PEX14: variants seen among roughly 807,000 people sequenced by gnomAD.
PEX14 encodes peroxisomal biogenesis factor 14.
PEX14 carries 15 observed loss-of-function variants against 49.5 expected under a neutral mutation model. The observed-to-expected ratio is 0.30, with a 90% CI of 0.20 to 0.47. The LOEUF (loss-of-function observed/expected upper bound fraction) is 0.47, where lower values mean the gene tolerates loss of function less well. Among genes scored for constraint, PEX14 ranks in the 20% least tolerant of loss-of-function variants. The probability of loss-of-function intolerance (pLI) is 1.00; values close to 1 mark genes in which losing one functional copy is unlikely to be tolerated. For missense variants in PEX14, 398 were observed against 494.8 expected, an observed-to-expected ratio of 0.80 and a Z score of 1.86; for synonymous variants, 210 against 212.7, an observed-to-expected ratio of 0.99 and a Z score of 0.11.
In PEX14 at chr1:10,613,568, G is replaced by A. The variant is rs780168937; in HGVS notation, c.299-4764G>A. Among the ~76,000 whole-genome samples the A allele has an allele frequency of 3.9e-5, 6 of 152,172 alleles. No homozygotes were observed. Among genetic ancestry groups the A allele is most frequent in the African/African-American group, 9.7e-5 (4 of 41,436 alleles). On this transcript the variant is annotated intron_variant, in intron 4 of 8. Transcript: ENST00000356607. The surrounding 1 kb of genome is among the most constrained non-coding windows in gnomAD (Gnocchi z 5.0). ...ATGAGGATTGCCACCACAGATGCCCGTCTCTTCAGCCTTCACAGAGATGCC... is the reference window on the plus strand; with the variant it reads ...ATGAGGATTGCCACCACAGATGCCCATCTCTTCAGCCTTCACAGAGATGCC...
intron 3 of PEX14, among the ~76,000 whole-genome samples, chr1:10,586,627 CCTTTTTTTTTT>C (rs1640496448): frequency 7.8e-6 from 1 of 128,064 alleles, no homozygotes; most frequent in Admixed American, 8.3e-5. Flanking sequence ...GAGCCGTTTA[CCTTTTTTTTTT>C]TTTTTTTTTT....
chr1:10,578,987 CAGAGAAGGATG>C (rs1185956139), intron 3 of PEX14, among the ~76,000 whole-genome samples: 2 of 152,112 alleles, frequency 1.3e-5, no homozygotes, highest in African/African-American at 4.8e-5. Flanking sequence ...TCCCAAAAAG[CAGAGAAGGATG>C]AGGCAGAAAA....
At chr1:10,608,337 T>C (rs1040728541) in intron 4 of PEX14, among the ~76,000 whole-genome samples, 1 of 152,182 alleles carries the variant, frequency 6.6e-6, no homozygotes, top group African/African-American at 2.4e-5. Flanking sequence ...CAAAAGATTA[T>C]CTTATCCGCA....
intron 3 of PEX14, among the ~76,000 whole-genome samples, chr1:10,577,529 C>CATATATATATATATATATATATATAT (rs1312391529): frequency 7.0e-5 from 3 of 43,012 alleles, no homozygotes; most frequent in Non-Finnish European, 7.3e-5. Flanking sequence ...GGACACTATA[C>CATATATATATATATATATATATATAT]ATATATATAT....
In PEX14 at chr1:10,536,421, C is replaced by T. The variant is rs546927482; in HGVS notation, c.169+124C>T. 10 of 732,392 alleles carry T rather than the reference C, an allele frequency of 1.4e-5. 1 individual carries two copies. In the South Asian group the frequency reaches 1.5e-4, roughly 11 times the overall value. The allele number at this position is 732,392 out of a possible 1,614,324, so 45.4% of individuals were successfully genotyped here. A position where few individuals can be genotyped will look rare whatever the true frequency, so the allele number is the denominator to read the frequency against. ...TTCCTAGAGCTGCCCACTCATGGGG[C>T]AGTGGGGCTGAGGCGAACCCCCCAG... On this transcript the variant is annotated intron_variant, in intron 3 of 8. Transcript: ENST00000356607.
At chr1:10,527,460 TGAGCCGA>T (rs1638521752) in intron 2 of PEX14, among the ~76,000 whole-genome samples, 1 of 143,090 alleles carries the variant, frequency 7.0e-6, no homozygotes, top group Non-Finnish European at 1.5e-5. Flanking sequence ...GAGTTTGCAG[TGAGCCGA>T]GATCACGCCA....
intron 7 of PEX14, among the ~76,000 whole-genome samples, chr1:10,626,804 C>G (rs545598629): frequency 6.6e-6 from 1 of 152,320 alleles, no homozygotes; most frequent in African/African-American, 2.4e-5. Flanking sequence ...CCCGTCTATA[C>G]CAGCAAGATT....
chr1:10,526,954 T>C (rs1490143108), intron 2 of PEX14, among the ~76,000 whole-genome samples: 1 of 152,064 alleles, frequency 6.6e-6, no homozygotes, highest in Non-Finnish European at 1.5e-5. Flanking sequence ...GGCCCACACC[T>C]GTAAATCCCA....
At chr1:10,624,279 G>T in intron 6 of PEX14, 61 bp from the exon 7 acceptor site, 2 of 1,074,670 alleles carry the variant, frequency 1.9e-6, no homozygotes, top group South Asian at 2.5e-5. Flanking sequence ...TGTGCGGACC[G>T]AGCGAGGGGA....
chr1:10,583,366 T>C lies in PEX14; in HGVS notation c.170-15872T>C, dbSNP rs115296650. Among the ~76,000 whole-genome samples, 365 of 149,540 alleles carry C rather than the reference T, an allele frequency of 2.4e-3. 1 individual carries two copies. The highest frequency in any genetic ancestry group is 4.3e-3 in the Non-Finnish European group (290 of 67,584). ...TCCCTAGTAGCTGAGACTACAAATATACACCATTGCACCCAGCTTTTTTTT... is the reference window on the plus strand; with the variant it reads ...TCCCTAGTAGCTGAGACTACAAATACACACCATTGCACCCAGCTTTTTTTT... On this transcript the variant is annotated intron_variant, in intron 3 of 8. Transcript: ENST00000356607.
Position 10,623,086 on chromosome 1 carries a change from GTC to G in PEX14, c.458_459del (p.Ser153Ter). On this transcript the variant is annotated frameshift_variant, in exon 6 of 9. Transcript: ENST00000356607. LOFTEE classifies it high-confidence loss of function. This position sits in a 1 kb window ranked among gnomAD's most constrained non-coding sequence, Gnocchi z 4.4. Reference sequence around the variant, plus strand: ...AAGCAGCTGGAGAGGATGGAGGCCGGTCTCTCTGAGCTGAGTGGCAGCGTGGC... The same window carrying G: ...AAGCAGCTGGAGAGGATGGAGGCCGGTCTCTGAGCTGAGTGGCAGCGTGGC... 6.2e-7 allele frequency: 1 copy of G among 1,613,852 alleles called. No homozygotes were observed. Among genetic ancestry groups the G allele is most frequent in the Non-Finnish European group, 8.5e-7 (1 of 1,179,894 alleles).
At chr1:10,599,187 A>G (rs1298439784) in intron 3 of PEX14, 51 bp from the exon 4 acceptor site, 16 of 1,597,764 alleles carry the variant, frequency 1.0e-5, no homozygotes, top group Admixed American at 5.0e-5. Context: ...TGTTGCAGCT[A>G]TGGACACTGA....
At chr1:10,522,897 T>C (rs1242255210) in intron 2 of PEX14, among the ~76,000 whole-genome samples, 2 of 152,224 alleles carry the variant, frequency 1.3e-5, no homozygotes, top group Non-Finnish European at 1.5e-5. Flanking sequence ...AAGCTGAATA[T>C]CTGGAATATA....
chr1:10,527,506 A>T (rs1221561838), intron 2 of PEX14, among the ~76,000 whole-genome samples: 1 of 139,788 alleles, frequency 7.2e-6, no homozygotes, highest in Non-Finnish European at 1.6e-5. Context: ...ACAGAGCGAG[A>T]CTCTGTCTCA....
intron 3 of PEX14, among the ~76,000 whole-genome samples, chr1:10,564,932 C>G (rs1489063619): frequency 1.7e-5 from 2 of 118,268 alleles, no homozygotes; most frequent in Admixed American, 2.3e-4. Flanking sequence ...GAGACGGAGT[C>G]TTACTCTGTC....
intron 4 of PEX14, among the ~76,000 whole-genome samples, chr1:10,599,661 A>T (rs1286251070): frequency 6.6e-6 from 1 of 152,234 alleles, no homozygotes; most frequent in African/African-American, 2.4e-5. Flanking sequence ...TTCTGTTCCC[A>T]TCTCCTCATA....
At chr1:10,568,337 C>G (rs1323579467) in intron 3 of PEX14, among the ~76,000 whole-genome samples, 1 of 89,860 alleles carries the variant, frequency 1.1e-5, no homozygotes, top group Non-Finnish European at 2.4e-5. Context: ...CCCCCCCCCC[C>G]CACTCCCACT....
At chr1:10,546,022 G>T (rs892122692) in intron 3 of PEX14, among the ~76,000 whole-genome samples, 8 of 152,100 alleles carry the variant, frequency 5.3e-5, no homozygotes, top group Non-Finnish European at 1.0e-4. Flanking sequence ...TGTAGCCTGG[G>T]TGACAGAGCA....
At chr1:10,598,430 G>A (rs936065203) in intron 3 of PEX14, among the ~76,000 whole-genome samples, 30 of 152,280 alleles carry the variant, frequency 2.0e-4, no homozygotes, top group Middle Eastern at 3.4e-3. Flanking sequence ...CTGGAAATGC[G>A]GCCTTCATGG....
Sources: allele counts gnomAD v4.1 joint callset (sites outside exome capture counted in the v4.1 genomes callset), GRCh38; gene constraint gnomAD v4.1.1; non-coding constraint Gnocchi (gnomAD v3.1); transcripts MANE v1.5; gene names NCBI Gene and HGNC (gene_info 2026-07-23, HGNC 2026-07-21).